TARBP1: variants seen among roughly 807,000 people sequenced by gnomAD.
The protein encoded by TARBP1 is tRNA guanosine 2 -O-methyltransferase TARBP1, also known as tRNA (guanosine(18)-2'-O)-methyltransferase TARBP1.
TARBP1 carries 144 observed loss-of-function variants against 178.6 expected under a neutral mutation model. That is an observed-to-expected ratio of 0.81 (90% confidence interval 0.70 to 0.93). TARBP1 has a LOEUF of 0.93. TARBP1 is among the 40% of genes least tolerant of loss of function. The pLI, the probability that TARBP1 is intolerant of heterozygous loss-of-function variation, is 0.00. For missense variants in TARBP1, 2,067 were observed against 2,011.7 expected (o/e 1.03, Z -0.53); for synonymous variants, 787 against 781.0 (o/e 1.01, Z -0.13).
chr1:234,478,659 G>A lies in TARBP1; in HGVS notation c.445C>T (p.Pro149Ser). Residue 149 changes from proline to serine, a missense_variant, in exon 1 of 30, where the codon CCA becomes TCA. Transcript: ENST00000040877. ...AAVEVLAAVG[P>S]CLRPREDGPL... Reference sequence around the variant, plus strand: ...CCGTCCTCGCGGGGCCGCAAACATGGCCCGACGGCTGCTAGCACTTCCACG... The same window carrying A: ...CCGTCCTCGCGGGGCCGCAAACATGACCCGACGGCTGCTAGCACTTCCACG... 7.9e-7 allele frequency: 1 copy of A among 1,265,682 alleles called. No individual in the cohort carries two copies. Among genetic ancestry groups the A allele is most frequent in the Non-Finnish European group, 9.9e-7 (1 of 1,006,382 alleles). The allele number at this position is 1,265,682 out of a possible 1,614,324, so 78.4% of individuals were successfully genotyped here. A position where few individuals can be genotyped will look rare whatever the true frequency, so the allele number is the denominator to read the frequency against.
chr1:234,476,132 T>G (rs1160199865), intron 1 of TARBP1, among the ~76,000 whole-genome samples: 1 of 152,172 alleles, frequency 6.6e-6, no homozygotes, highest in African/African-American at 2.4e-5. Context: ...TGCTAAAGGA[T>G]CTTGTGGAAA....
Position 234,429,420 on chromosome 1 carries a change from G to T in TARBP1, c.2867C>A (p.Pro956His). The change falls in exon 16 of 30, where the codon CCC becomes CAC. Residue 956 changes from proline (P) to histidine (H), a missense_variant. Pro to His is a moderately conservative substitution (Grantham distance 77, BLOSUM62 -2). Coordinates refer to ENST00000040877, the MANE Select transcript of TARBP1 (RefSeq NM_005646.4). ...TCATGTTTCACTCTATCTTACCTTG[G>T]GAACCAACACTTTCAAGCAATGGAA... ...PVFHCLKVLV[P>H]KLLTSSESLC... 1 of 1,608,998 alleles carries T rather than the reference G, an allele frequency of 6.2e-7. No homozygotes were observed. Among genetic ancestry groups the T allele is most frequent in the Non-Finnish European group, 8.5e-7 (1 of 1,178,274 alleles).
chr1:234,407,341 C>CTCT (rs1553275818), intron 23 of TARBP1: 1 of 137,060 alleles, frequency 7.3e-6, no homozygotes, highest in Non-Finnish European at 1.6e-5. Flanking sequence ...CTTGTCCATC[C>CTCT]TTTTTTTTTT....
chr1:234,428,843 G>A (rs1664073370), intron 17 of TARBP1, among the ~76,000 whole-genome samples: 1 of 152,102 alleles, frequency 6.6e-6, no homozygotes, highest in African/African-American at 2.4e-5. Context: ...ACCCCGCCTG[G>A]CCAGATTTCC....
At chr1:234,405,613 C>T (rs1271368173) in intron 24 of TARBP1, 1 of 333,800 alleles carries the variant, frequency 3.0e-6, no homozygotes, top group African/African-American at 2.1e-5. Flanking sequence ...CAAAGGATGA[C>T]ATTTAGCTAT....
chr1:234,455,992 T>TGCCA (rs1667233293), intron 9 of TARBP1, among the ~76,000 whole-genome samples: 2 of 152,212 alleles, frequency 1.3e-5, no homozygotes, highest in Non-Finnish European at 2.9e-5. Context: ...AAATGCTATG[T>TGCCA]TTTATCTACC....
Position 234,440,580 on chromosome 1 carries a change from C to T in TARBP1, c.2135-3208G>A, listed in dbSNP as rs183841051. Reference sequence around the variant, plus strand: ...CAGGCATTAAAAGGGTAAGGGAATACTACAGACAATTCTACTGCCCCTATT... The same window carrying T: ...CAGGCATTAAAAGGGTAAGGGAATATTACAGACAATTCTACTGCCCCTATT... On this transcript the variant is annotated intron_variant, in intron 12 of 29. Transcript: ENST00000040877. Among the ~76,000 whole-genome samples the T allele has an allele frequency of 1.6e-4, 25 of 152,108 alleles. No individual in the cohort carries two copies. The East Asian group carries it at 4.8e-3, about 29-fold the overall frequency.
chr1:234,424,252 C>G (rs772023171), intron 20 of TARBP1, among the ~76,000 whole-genome samples: 1 of 152,200 alleles, frequency 6.6e-6, no homozygotes, highest in Non-Finnish European at 1.5e-5. Flanking sequence ...TGACAGGTAA[C>G]TGTATCTGTC....
chr1:234,477,485 AC>A lies in TARBP1; in HGVS notation c.931+687del, dbSNP rs1376364571. Reference sequence around the variant, plus strand: ...ATCTACTTTGTACTTGACAGTTTAAACCCAAATTTAACATGAGTGAAGTCAA... The same window carrying A: ...ATCTACTTTGTACTTGACAGTTTAAACCAAATTTAACATGAGTGAAGTCAA... On this transcript the variant is annotated intron_variant, in intron 1 of 29. Transcript: ENST00000040877. Among the ~76,000 whole-genome samples the A allele has an allele frequency of 5.3e-5, 8 of 152,366 alleles. No homozygotes were observed. The East Asian group carries it at 1.5e-3, about 29-fold the overall frequency.
At chr1:234,421,970 A>G (rs1663153905) in intron 20 of TARBP1, among the ~76,000 whole-genome samples, 1 of 152,214 alleles carries the variant, frequency 6.6e-6, no homozygotes, top group African/African-American at 2.4e-5. Flanking sequence ...CTAAATTAAT[A>G]TAGATTTTAA....
intron 9 of TARBP1, among the ~76,000 whole-genome samples, chr1:234,456,006 G>A (rs575020068): frequency 6.6e-6 from 1 of 152,242 alleles, no homozygotes; most frequent in East Asian, 1.9e-4. Flanking sequence ...ATCTACCAAA[G>A]TGGCAAAGAA....
intron 23 of TARBP1, 53 bp from the exon 24 acceptor site, chr1:234,406,152 C>T: frequency 6.5e-7 from 1 of 1,542,504 alleles, no homozygotes; most frequent in Non-Finnish European, 8.9e-7. Context: ...CCATTTTACT[C>T]TCACTTGTAT....
intron 19 of TARBP1, among the ~76,000 whole-genome samples, chr1:234,426,986 C>A (rs1285186284): frequency 6.6e-6 from 1 of 152,164 alleles, no homozygotes; most frequent in Non-Finnish European, 1.5e-5. Context: ...AAAAAAAGGA[C>A]TGGAGAATAA....
In TARBP1 at chr1:234,448,540, T is replaced by C. The variant is rs1666415258; in HGVS notation, c.1901A>G (p.Lys634Arg). The C allele has an allele frequency of 1.9e-6, 3 of 1,614,116 alleles. No homozygotes were observed. Among genetic ancestry groups the C allele is most frequent in the Non-Finnish European group, 8.5e-7 (1 of 1,180,018 alleles). ...CAGCAAGACCATCAGAGAAACAAGC[T>C]TGGCTTCAAACCAATCAGGCATAAA... Reference protein sequence around the residue: ...NCFMPDWFEAKLVSLMVLLAV... With the variant: ...NCFMPDWFEARLVSLMVLLAV... The change falls in exon 11 of 30, where the codon AAG becomes AGG. Residue 634 changes from lysine (K) to arginine (R), a missense_variant. By Grantham distance (26) the Lys-to-Arg change is conservative. Transcript: ENST00000040877.
rs1331614156 is a variant in TARBP1, at chr1:234,393,745, G to A, written c.4336C>T (p.Leu1446=). 5.0e-6 allele frequency: 8 copies of A among 1,613,948 alleles called. No homozygotes were observed. Among genetic ancestry groups the A allele is most frequent in the Middle Eastern group, 1.7e-4 (1 of 6,060 alleles). ...GCACGATCCTGAAACAGGAGCTCCA[G>A]GTCTAAGTCGGAAACACGACTGTTC... The part of the protein sequence containing the change: ...PWNSRVSDLD[L]ELLFQDRAAR... Residue 1446 remains leucine (L), a synonymous_variant, in exon 27 of 30, where the codon CTG becomes TTG. Transcript: ENST00000040877.
intron 12 of TARBP1, among the ~76,000 whole-genome samples, chr1:234,445,659 C>T (rs533755718): frequency 5.9e-5 from 9 of 152,120 alleles, no homozygotes; most frequent in South Asian, 2.1e-4. Flanking sequence ...TCTATATATG[C>T]GCTAAAAATC....
chr1:234,479,075 A>C lies in TARBP1; in HGVS notation c.29T>G (p.Leu10Arg). The C allele has an allele frequency of 6.5e-7, 1 of 1,539,906 alleles. No individual in the cohort carries two copies. The highest frequency in any genetic ancestry group is 8.6e-7 in the Non-Finnish European group (1 of 1,156,236). MEWVLAEAL[L>R]SQSRDPRALL... ...GGCCCGGGGGTCCCGGCTCTGCGAG[A>C]GCAGCGCTTCCGCGAGCACCCACTC... The change falls in exon 1 of 30, where the codon CTC becomes CGC. Residue 10 changes from leucine (L) to arginine (R), a missense_variant. By Grantham distance (102) the Leu-to-Arg change is moderately radical. Transcript: ENST00000040877.
intron 20 of TARBP1, among the ~76,000 whole-genome samples, chr1:234,423,431 C>T (rs1663336958): frequency 6.6e-6 from 1 of 151,936 alleles, no homozygotes; most frequent in African/African-American, 2.4e-5. Context: ...CCTCCAGGAA[C>T]GACCCCTGTT....
chr1:234,462,960 A>G (rs1668036109), intron 6 of TARBP1, among the ~76,000 whole-genome samples: 1 of 152,196 alleles, frequency 6.6e-6, no homozygotes, highest in African/African-American at 2.4e-5. Context: ...GGAGTAACAC[A>G]AGGACTCACA....
Sources: allele counts gnomAD v4.1 joint callset (sites outside exome capture counted in the v4.1 genomes callset), GRCh38; gene constraint gnomAD v4.1.1; transcripts MANE v1.5; gene names NCBI Gene and HGNC (gene_info 2026-07-23, HGNC 2026-07-21).